Variants in PDE11A observed in about 807,000 individuals in gnomAD.
PDE11A encodes the protein dual 3',5'-cyclic-AMP and -GMP phosphodiesterase 11A.
PDE11A carries 100 observed loss-of-function variants against 100.5 expected under a neutral mutation model. That is an observed-to-expected ratio of 1.00 (90% CI 0.85 to 1.18). The LOEUF (loss-of-function observed/expected upper bound fraction) is 1.18. PDE11A is among the 50% of genes most tolerant of loss of function. The pLI, the probability that PDE11A is intolerant of heterozygous loss-of-function variation, is 0.00. For missense variants in PDE11A, 1,141 were observed against 1,152.6 expected, an observed-to-expected ratio of 0.99 and a Z score of 0.15; for synonymous variants, 381 against 420.8, an observed-to-expected ratio of 0.91 and a Z score of 1.16.
At chr2:177,967,831 T>C (rs1487812694) in intron 2 of PDE11A, among the ~76,000 whole-genome samples, 1 of 152,168 alleles carries the variant, frequency 6.6e-6, no homozygotes, top group Non-Finnish European at 1.5e-5. Flanking sequence ...CCCATAACAA[T>C]TGTGGAAGCT....
intron 2 of PDE11A, among the ~76,000 whole-genome samples, chr2:178,011,395 A>G (rs1439856478): frequency 1.3e-5 from 2 of 152,156 alleles, no homozygotes; most frequent in Non-Finnish European, 1.5e-5. Flanking sequence ...TGGACTGGTC[A>G]TTGTCCATTT....
chr2:177,710,607 G>C (rs897291128), intron 13 of PDE11A, among the ~76,000 whole-genome samples: 13 of 152,188 alleles, frequency 8.5e-5, no homozygotes, highest in African/African-American at 3.1e-4. Flanking sequence ...ACTGAACCAG[G>C]ACTGAGTTTC....
intron 5 of PDE11A, among the ~76,000 whole-genome samples, chr2:177,862,820 C>T (rs1033028171): frequency 6.6e-6 from 1 of 151,716 alleles, no homozygotes; most frequent in Admixed American, 6.6e-5. Context: ...CTTACAGAAA[C>T]AGAAAAAACC....
chr2:178,034,655 C>T (rs959992616), intron 1 of PDE11A, among the ~76,000 whole-genome samples: 1 of 152,106 alleles, frequency 6.6e-6, no homozygotes. Context: ...TGTAAAAGAA[C>T]AGAAATTATA....
chr2:177,741,287 A>G (rs1322149533), intron 10 of PDE11A, among the ~76,000 whole-genome samples: 2 of 152,120 alleles, frequency 1.3e-5, no homozygotes, highest in Admixed American at 1.3e-4. Context: ...CTCTCTGTAC[A>G]TGTGCACCTC....
chr2:177,882,622 A>G (rs2084362094), intron 4 of PDE11A, among the ~76,000 whole-genome samples: 2 of 152,202 alleles, frequency 1.3e-5, no homozygotes, highest in Non-Finnish European at 2.9e-5. Context: ...TTCTAAATCA[A>G]TGACACAAAA....
At chr2:177,737,958 A>T (rs941573136) in intron 10 of PDE11A, among the ~76,000 whole-genome samples, 5 of 152,166 alleles carry the variant, frequency 3.3e-5, no homozygotes, top group African/African-American at 1.2e-4. Context: ...GCTGGAAGTC[A>T]TCTTACTAGT....
upstream of PDE11A, among the ~76,000 whole-genome samples, chr2:178,074,316 T>C (rs1178393571): frequency 6.6e-6 from 1 of 152,170 alleles, no homozygotes; most frequent in Non-Finnish European, 1.5e-5. Context: ...AATCTGAATA[T>C]GCTGAAATTC....
chr2:177,871,149 A>G (rs1302126036), intron 5 of PDE11A, among the ~76,000 whole-genome samples: 1 of 152,168 alleles, frequency 6.6e-6, no homozygotes, highest in Non-Finnish European at 1.5e-5. Flanking sequence ...TCTTTTGTGC[A>G]TCCCTTTCCC....
chr2:177,836,231 AC>A (rs2083395097), intron 6 of PDE11A, among the ~76,000 whole-genome samples: 2 of 152,260 alleles, frequency 1.3e-5, no homozygotes, highest in Non-Finnish European at 2.9e-5. Flanking sequence ...TTGTAAATGC[AC>A]CAATCAGTGC....
chr2:177,675,431 G>A (rs1414109201), intron 17 of PDE11A, 24 bp downstream of exon 17: 6 of 1,579,610 alleles, frequency 3.8e-6, no homozygotes, highest in East Asian at 2.2e-5. Context: ...CCTCTGCTGA[G>A]CCCTGCCATT....
At chr2:177,719,867 C>T (rs1454274180) in intron 12 of PDE11A, among the ~76,000 whole-genome samples, 1 of 151,992 alleles carries the variant, frequency 6.6e-6, no homozygotes, top group Non-Finnish European at 1.5e-5. Context: ...ATGCTCATAT[C>T]ATCTTAACAA....
chr2:177,809,602 T>G (rs1306646011), intron 9 of PDE11A, among the ~76,000 whole-genome samples: 1 of 152,098 alleles, frequency 6.6e-6, no homozygotes, highest in Non-Finnish European at 1.5e-5. Flanking sequence ...TACCTCCCTC[T>G]TGAGCCCTGT....
At chr2:177,793,571 C>T (rs1474126072) in intron 9 of PDE11A, among the ~76,000 whole-genome samples, 1 of 145,832 alleles carries the variant, frequency 6.9e-6, no homozygotes, top group African/African-American at 2.5e-5. Context: ...GAGCTCCACT[C>T]AGGGAGGAAA....
At chr2:177,829,849 G>C (rs191433124) in intron 6 of PDE11A, among the ~76,000 whole-genome samples, 41 of 152,228 alleles carry the variant, frequency 2.7e-4, no homozygotes, top group Non-Finnish European at 3.7e-4. Flanking sequence ...TTTCCCTTGA[G>C]TGTGGACAGG....
At chr2:178,044,870 A>T (rs2086729878) in intron 1 of PDE11A, among the ~76,000 whole-genome samples, 2 of 152,138 alleles carry the variant, frequency 1.3e-5, no homozygotes, top group South Asian at 4.1e-4. Flanking sequence ...GGGGGATGTT[A>T]TACCCCACTC....
At chr2:177,900,088 G>A (rs1489212962) in intron 3 of PDE11A, among the ~76,000 whole-genome samples, 1 of 152,024 alleles carries the variant, frequency 6.6e-6, no homozygotes, top group African/African-American at 2.4e-5. Flanking sequence ...GTATGGATTT[G>A]TGAAAAATAA....
At chr2:177,832,410 C>G (rs2083324891) in intron 6 of PDE11A, among the ~76,000 whole-genome samples, 2 of 152,176 alleles carry the variant, frequency 1.3e-5, no homozygotes, top group South Asian at 4.1e-4. Flanking sequence ...ACGTCTTTCT[C>G]TTGTGCTGGA....
chr2:177,856,379 T>G (rs925993573), intron 5 of PDE11A, among the ~76,000 whole-genome samples: 2 of 152,052 alleles, frequency 1.3e-5, no homozygotes, highest in Admixed American at 6.6e-5. Context: ...CAATAAAAAT[T>G]TATAAGACGT....
Sources: allele counts gnomAD v4.1 joint callset (sites outside exome capture counted in the v4.1 genomes callset), GRCh38; gene constraint gnomAD v4.1.1; transcripts MANE v1.5; gene names NCBI Gene and HGNC (gene_info 2026-07-23, HGNC 2026-07-21).